GABRG3: variants seen among roughly 807,000 people sequenced by gnomAD.
The protein encoded by GABRG3 is gamma-aminobutyric acid type A receptor subunit gamma3.
In GABRG3, 25 loss-of-function variants were observed where a neutral mutation model predicts 48.8. The ratio of observed to expected loss-of-function variants is 0.51; its 90% CI spans 0.37 to 0.72. GABRG3 has a LOEUF of 0.72. Ranked by LOEUF, GABRG3 falls within the 30% of genes least tolerant of loss-of-function variation. The pLI is 0.00. For missense variants in GABRG3, 394 were observed against 577.9 expected, an observed-to-expected ratio of 0.68 and a Z score of 3.26; for synonymous variants, 227 against 217.6, an observed-to-expected ratio of 1.04 and a Z score of -0.38.
At chr15:27,478,908 C>T (rs1027955721) in intron 5 of GABRG3, among the ~76,000 whole-genome samples, 6 of 151,988 alleles carry the variant, frequency 3.9e-5, no homozygotes, top group African/African-American at 1.5e-4. Context: ...GGTCACATAT[C>T]GTATGATCCC....
intron 3 of GABRG3, among the ~76,000 whole-genome samples, chr15:27,135,548 G>T (rs753373549): frequency 2.1e-4 from 32 of 152,212 alleles, no homozygotes; most frequent in Non-Finnish European, 4.4e-4. Context: ...CATGCTGGTT[G>T]TATGAGCTAG....
intron 3 of GABRG3, among the ~76,000 whole-genome samples, chr15:27,282,512 T>TCTA (rs1891469233): frequency 6.6e-6 from 1 of 152,220 alleles, no homozygotes; most frequent in Non-Finnish European, 1.5e-5. Flanking sequence ...TTTAGTAAGG[T>TCTA]TTTAAAGTAG....
intron 3 of GABRG3, among the ~76,000 whole-genome samples, chr15:27,311,709 TTA>T (rs1470284094): frequency 6.6e-6 from 1 of 151,926 alleles, no homozygotes; most frequent in Non-Finnish European, 1.5e-5. Flanking sequence ...AGGAACTGGC[TTA>T]TGTCTTGCTT....
intron 5 of GABRG3, among the ~76,000 whole-genome samples, chr15:27,397,630 G>C (rs1378992934): frequency 6.6e-6 from 1 of 151,824 alleles, no homozygotes; most frequent in Non-Finnish European, 1.5e-5. Context: ...CTCGTCTATG[G>C]TTTGTCCCTC....
intron 2 of GABRG3, among the ~76,000 whole-genome samples, chr15:27,014,946 C>G (rs190598777): frequency 6.6e-6 from 1 of 152,284 alleles, no homozygotes. Context: ...ATTGGGAACT[C>G]TAACGTTAGG....
chr15:27,203,098 G>C (rs1021857872), intron 3 of GABRG3, among the ~76,000 whole-genome samples: 1 of 151,982 alleles, frequency 6.6e-6, no homozygotes, highest in Admixed American at 6.6e-5. Flanking sequence ...TTTTTTACAT[G>C]GGTAAATTGC....
intron 6 of GABRG3, among the ~76,000 whole-genome samples, chr15:27,490,421 T>G (rs988510795): frequency 6.6e-6 from 1 of 152,172 alleles, no homozygotes; most frequent in Non-Finnish European, 1.5e-5. Context: ...GGAGCTTACA[T>G]AGGTGATGTC....
At chr15:27,484,871 A>G (rs1387277284) in intron 6 of GABRG3, among the ~76,000 whole-genome samples, 1 of 152,250 alleles carries the variant, frequency 6.6e-6, no homozygotes, top group Non-Finnish European at 1.5e-5. Context: ...CAAGAATAAA[A>G]TAAATATCCA....
intron 3 of GABRG3, among the ~76,000 whole-genome samples, chr15:27,230,434 C>T (rs1052742108): frequency 6.6e-6 from 1 of 152,178 alleles, no homozygotes; most frequent in South Asian, 2.1e-4. Flanking sequence ...GTGCTCAGAC[C>T]TCAGAGGGCA....
intron 6 of GABRG3, among the ~76,000 whole-genome samples, chr15:27,510,936 A>G (rs16950120): frequency 0.014 from 2,128 of 152,288 alleles, 56 homozygotes; most frequent in African/African-American, 0.049. Context: ...AGTGAATGGT[A>G]AGGATGTGGG....
chr15:27,478,799 A>G (rs776108215), intron 5 of GABRG3, among the ~76,000 whole-genome samples: 5 of 152,222 alleles, frequency 3.3e-5, no homozygotes, highest in Non-Finnish European at 5.9e-5. Context: ...GTACAATAAA[A>G]TATTATTTGG....
rs533834357 is a variant in GABRG3 at position 27,358,060 on chromosome 15, A to G, written c.574+29172A>G. ...TTAGTCTCCCAACCAATTGTGTTAG[A>G]AAAGTATTTAAATATTGAGAAGCTA... On this transcript the variant is annotated intron_variant, in intron 5 of 9. Transcript: ENST00000615808. Among the ~76,000 whole-genome samples the G allele has an allele frequency of 1.7e-4, 26 of 152,352 alleles. 1 individual carries two copies. In the East Asian group the frequency reaches 4.8e-3, roughly 28 times the overall value.
intron 5 of GABRG3, among the ~76,000 whole-genome samples, chr15:27,403,395 A>G (rs1887529432): frequency 6.6e-6 from 1 of 152,218 alleles, no homozygotes; most frequent in Admixed American, 6.5e-5. Flanking sequence ...GATGAAAGAC[A>G]CCAAATCAAA....
chr15:27,306,355 A>C (rs1892444098), intron 3 of GABRG3, among the ~76,000 whole-genome samples: 1 of 96,982 alleles, frequency 1.0e-5, no homozygotes, highest in Non-Finnish European at 2.6e-5. Context: ...ACATGTCTAC[A>C]TATAAACATA....
At chr15:27,366,261 G>A (rs772012387) in intron 5 of GABRG3, 4 of 152,178 alleles carry the variant, frequency 2.6e-5, no homozygotes, top group African/African-American at 9.7e-5. Context: ...ATGAGCCCAC[G>A]GTCATGCAGC....
intron 3 of GABRG3, among the ~76,000 whole-genome samples, chr15:27,159,470 A>G (rs1003790160): frequency 6.6e-6 from 1 of 151,820 alleles, no homozygotes; most frequent in Non-Finnish European, 1.5e-5. Context: ...CAATAGAGTG[A>G]GACTCCATCT....
intron 3 of GABRG3, among the ~76,000 whole-genome samples, chr15:27,166,049 A>T (rs927843194): frequency 1.3e-5 from 2 of 152,156 alleles, no homozygotes; most frequent in African/African-American, 4.8e-5. Context: ...AGCCTTTCTC[A>T]GTGGCTCTGA....
intron 6 of GABRG3, among the ~76,000 whole-genome samples, chr15:27,509,634 T>A (rs923113822): frequency 2.0e-5 from 3 of 152,222 alleles, no homozygotes; most frequent in African/African-American, 7.2e-5. Context: ...AATGTGCCTA[T>A]CAAAAGCATG....
Position 27,532,725 on chromosome 15 carries a change from C to T in GABRG3, c.1248C>T (p.Ser416=), listed in dbSNP as rs760027137. 1.9e-6 allele frequency: 3 copies of T among 1,614,004 alleles called. No individual in the cohort carries two copies. In the Admixed American group the frequency reaches 5.0e-5, roughly 27 times the overall value. The part of the protein sequence containing the change: ...YECLDGKDCQ[S]FFCCYEECKS... ...GTCTGGATGGCAAAGACTGTCAGAG[C>T]TTCTTCTGCTGCTATGAAGAATGTA... Residue 416 remains serine, a synonymous_variant, in exon 10 of 10, where the codon AGC becomes AGT. Transcript: ENST00000615808.
Sources: allele counts gnomAD v4.1 joint callset (sites outside exome capture counted in the v4.1 genomes callset), GRCh38; gene constraint gnomAD v4.1.1; transcripts MANE v1.5; gene names NCBI Gene and HGNC (gene_info 2026-07-23, HGNC 2026-07-21).